MAST4: variants seen among roughly 807,000 people sequenced by gnomAD.
MAST4 encodes microtubule-associated serine/threonine-protein kinase 4.
Under a neutral mutation model 162.7 loss-of-function variants are expected in MAST4, and 89 were observed. The observed-to-expected ratio is 0.55, with a 90% confidence interval of 0.46 to 0.65. MAST4 has a LOEUF of 0.65. Ranked by LOEUF, MAST4 falls within the 30% of genes least tolerant of loss-of-function variation. The pLI is 0.00. For missense variants in MAST4, 3,153 were observed against 3,374.0 expected (o/e 0.93, Z 1.62); for synonymous variants, 1,479 against 1,361.1 (o/e 1.09, Z -1.91).
intron 3 of MAST4, among the ~76,000 whole-genome samples, chr5:66,844,443 T>G (rs1758664340): frequency 6.6e-6 from 1 of 152,148 alleles, no homozygotes; most frequent in Admixed American, 6.6e-5. Flanking sequence ...CCTACTACTG[T>G]TGTCTCTTGG....
chr5:66,597,741 C>G (rs1198392193), intron 1 of MAST4, among the ~76,000 whole-genome samples: 2 of 152,170 alleles, frequency 1.3e-5, no homozygotes, highest in Non-Finnish European at 2.9e-5. Context: ...GCCCAGTTTC[C>G]TGGAAGGATG....
At chr5:66,761,306 T>G (rs1753838972) in intron 2 of MAST4, among the ~76,000 whole-genome samples, 2 of 152,204 alleles carry the variant, frequency 1.3e-5, no homozygotes, top group Admixed American at 1.3e-4. Flanking sequence ...CAAATTATTT[T>G]TGACTGCAAA....
intron 1 of MAST4, among the ~76,000 whole-genome samples, chr5:66,752,969 A>G (rs1220399825): frequency 6.6e-6 from 1 of 151,672 alleles, no homozygotes; most frequent in Non-Finnish European, 1.5e-5. Context: ...CCACAGTGCA[A>G]TCAAACTAGA....
chr5:66,902,915 C>T (rs1228290594), intron 4 of MAST4, among the ~76,000 whole-genome samples: 1 of 152,084 alleles, frequency 6.6e-6, no homozygotes, highest in Non-Finnish European at 1.5e-5. Context: ...TTGTCCTATC[C>T]CCCTCCTTCC....
At chr5:66,678,912 C>A (rs1748140151) in intron 1 of MAST4, among the ~76,000 whole-genome samples, 1 of 152,110 alleles carries the variant, frequency 6.6e-6, no homozygotes, top group Admixed American at 6.5e-5. Context: ...CTGCCTCAGC[C>A]TCTCAAGTAG....
At chr5:66,662,117 GGCTCTGGGGATATAACA>G (rs1400361975) in intron 1 of MAST4, among the ~76,000 whole-genome samples, 1 of 151,264 alleles carries the variant, frequency 6.6e-6, no homozygotes, top group African/African-American at 2.4e-5. Context: ...CACTATTCTA[GGCTCTGGGGATATAACA>G]GTGAAGAAAA....
intron 1 of MAST4, among the ~76,000 whole-genome samples, chr5:66,642,529 A>G (rs1745553882): frequency 6.6e-6 from 1 of 152,180 alleles, no homozygotes; most frequent in Non-Finnish European, 1.5e-5. Context: ...AAAAAGAGTT[A>G]TCTTTTAGAG....
Position 66,596,926 on chromosome 5 carries a change from G to C in MAST4, c.271G>C (p.Gly91Arg). 1 of 1,331,954 alleles carries C rather than the reference G, an allele frequency of 7.5e-7. No homozygotes were observed. Among genetic ancestry groups the C allele is most frequent in the South Asian group, 2.0e-5 (1 of 51,264 alleles). 82.5% of individuals were successfully genotyped at this position (1,331,954 alleles called of 1,614,324 possible). Residue 91 changes from glycine to arginine, a missense_variant, in exon 1 of 29, where the codon GGA (glycine) becomes CGA (arginine). Physicochemically the swap from Gly to Arg is moderately radical, Grantham distance 125. Transcript: ENST00000403625. ...WAPASVLLER[G>R]VLALPPPLPG... Reference sequence around the variant, plus strand: ...TCCGGCAAGCGTGCTGCTGGAGCGCGGAGTCCTTGCGCTGCCGCCGCCGCT... The same window carrying C: ...TCCGGCAAGCGTGCTGCTGGAGCGCCGAGTCCTTGCGCTGCCGCCGCCGCT...
chr5:66,776,158 G>GT (rs1461027779), intron 2 of MAST4, among the ~76,000 whole-genome samples: 2 of 152,186 alleles, frequency 1.3e-5, no homozygotes. Context: ...GTGATATGGA[G>GT]TTTATTTTGT....
rs1773856759 is a variant in MAST4 at position 67,165,804 on chromosome 5, G to A, written c.6625G>A (p.Asp2209Asn). ...DPGPPKTKHP[D>N]RSLSSQKPSV... ...GGGCCCTCCAAAGACTAAGCACCCC[G>A]ACCGGTCCCTCTCCTCTCAGAAACC... is the stretch of plus-strand genomic sequence containing the variant. Residue 2209 changes from aspartate (D) to asparagine (N), a missense_variant, in exon 29 of 29, where the codon GAC becomes AAC. Asp to Asn is a conservative substitution (Grantham distance 23). Transcript: ENST00000403625. 2 of 1,611,480 alleles carry A rather than the reference G, an allele frequency of 1.2e-6. No homozygotes were observed. The highest frequency in any genetic ancestry group is 1.7e-5 in the Admixed American group (1 of 59,764).
chr5:66,718,386 A>G (rs1356138155), intron 1 of MAST4, among the ~76,000 whole-genome samples: 1 of 151,996 alleles, frequency 6.6e-6, no homozygotes, highest in African/African-American at 2.4e-5. Context: ...TGTATGGTGA[A>G]GTCTCTTTTG....
chr5:67,109,398 A>G (rs1453277821), intron 10 of MAST4, among the ~76,000 whole-genome samples: 2 of 152,282 alleles, frequency 1.3e-5, no homozygotes, highest in East Asian at 1.9e-4. Flanking sequence ...GGCTCTGTGT[A>G]TTAGGTGTAC....
intron 1 of MAST4, among the ~76,000 whole-genome samples, chr5:66,680,177 A>T (rs555119382): frequency 1.3e-5 from 2 of 152,282 alleles, no homozygotes; most frequent in South Asian, 4.2e-4. Context: ...CTTTGTTCTG[A>T]ACTGGGGTCC....
intron 3 of MAST4, among the ~76,000 whole-genome samples, chr5:66,832,921 G>T (rs1013203218): frequency 6.6e-6 from 1 of 152,178 alleles, no homozygotes; most frequent in Non-Finnish European, 1.5e-5. Context: ...TTTTGCAGTT[G>T]TGGGTCCTTA....
At chr5:66,795,865 A>T (rs976766869) in intron 3 of MAST4, among the ~76,000 whole-genome samples, 1 of 152,214 alleles carries the variant, frequency 6.6e-6, no homozygotes, top group African/African-American at 2.4e-5. Flanking sequence ...GGAAAGTAGT[A>T]ATCTCAATTG....
chr5:67,166,409 G>A lies in MAST4; in HGVS notation c.7230G>A (p.Val2410=). 6.2e-7 allele frequency: 1 copy of A among 1,609,556 alleles called. No homozygotes were observed. Among genetic ancestry groups the A allele is most frequent in the Non-Finnish European group, 8.5e-7 (1 of 1,177,928 alleles). Residue 2410 remains valine (V), a synonymous_variant, in exon 29 of 29, where the codon GTG becomes GTA. Transcript: ENST00000403625. ...GCGCGGAGCGGCCAGCCGCGGGGGT[G>A]GGGAAGGGCTTCCCTGAGGCCAGAG... ...LKGAERPAAG[V]GKGFPEARGK... is the part of the protein sequence containing the mutation.
intron 2 of MAST4, among the ~76,000 whole-genome samples, chr5:66,764,964 ATCC>A (rs1381629619): frequency 6.6e-6 from 1 of 152,192 alleles, no homozygotes; most frequent in African/African-American, 2.4e-5. Context: ...CATGGCAAGT[ATCC>A]TATACAGGTG....
chr5:66,676,996 G>T (rs1361947410), intron 1 of MAST4, among the ~76,000 whole-genome samples: 1 of 152,184 alleles, frequency 6.6e-6, no homozygotes, highest in East Asian at 1.9e-4. Context: ...AGGTCATCTG[G>T]TGGAGGGGTG....
At chr5:66,609,705 GTTTTTTTTTTT>G in intron 1 of MAST4, among the ~76,000 whole-genome samples, 1 of 106,768 alleles carries the variant, frequency 9.4e-6, no homozygotes, top group African/African-American at 3.0e-5. Flanking sequence ...TTTTTTTTTT[GTTTTTTTTTTT>G]TTGTTTTGTT....
Sources: allele counts gnomAD v4.1 joint callset (sites outside exome capture counted in the v4.1 genomes callset), GRCh38; gene constraint gnomAD v4.1.1; transcripts MANE v1.5; gene names NCBI Gene and HGNC (gene_info 2026-07-23, HGNC 2026-07-21).